The following GRM7 variants were observed in gnomAD, a reference collection of about 807,000 sequenced individuals.
GRM7 encodes the protein glutamate metabotropic receptor 7.
Under a neutral mutation model 84.5 loss-of-function variants are expected in GRM7, and 35 were observed. The ratio of observed to expected loss-of-function variants is 0.41; its 90% CI spans 0.32 to 0.55. The LOEUF (loss-of-function observed/expected upper bound fraction) is 0.55, where lower values mean the gene tolerates loss of function less well. Among genes scored for constraint, GRM7 ranks in the 20% least tolerant of loss-of-function variants. GRM7 has a pLI of 0.19. For missense variants in GRM7, 1,003 were observed against 1,194.6 expected, an observed-to-expected ratio of 0.84 and a Z score of 2.36; for synonymous variants, 487 against 455.1, an observed-to-expected ratio of 1.07 and a Z score of -0.89.
At chr3:7,419,850 T>C in intron 5 of GRM7, among the ~76,000 whole-genome samples, 1 of 151,996 alleles carries the variant, frequency 6.6e-6, no homozygotes, top group African/African-American at 2.4e-5. Context: ...ATTGGTGACA[T>C]ATATTTTTTG....
At chr3:7,308,349 A>G (rs1218647007) in intron 4 of GRM7, among the ~76,000 whole-genome samples, 1 of 117,052 alleles carries the variant, frequency 8.5e-6, no homozygotes, top group Non-Finnish European at 2.2e-5. Flanking sequence ...CTTCTATGGC[A>G]TCCCACACAT....
At chr3:7,602,154 G>A (rs992988488) in intron 8 of GRM7, among the ~76,000 whole-genome samples, 5 of 151,404 alleles carry the variant, frequency 3.3e-5, no homozygotes, top group Non-Finnish European at 7.4e-5. Flanking sequence ...GATAAGGGGA[G>A]AGCTTGTAAA....
Position 7,497,091 on chromosome 3 carries a change from G to T in GRM7, c.1515+35369G>T, listed in dbSNP as rs1248564312. ...ACCAGCCACTAGAGAAGGCCATCAG[G>T]TTATTTAGAACTTGTGGCCATGTCT... On this transcript the variant is annotated intron_variant, in intron 7 of 9. Coordinates refer to ENST00000357716, the MANE Select transcript of GRM7 (RefSeq NM_000844.4). Among the ~76,000 whole-genome samples the T allele has an allele frequency of 2.6e-5, 4 of 151,874 alleles. No individual in the cohort carries two copies. In the South Asian group the frequency reaches 6.3e-4, roughly 24 times the overall value.
chr3:7,219,160 T>C (rs2124869715), intron 2 of GRM7, among the ~76,000 whole-genome samples: 1 of 152,316 alleles, frequency 6.6e-6, no homozygotes, highest in African/African-American at 2.4e-5. Context: ...TTTGTTTTTT[T>C]CCCGACTGCT....
At chr3:7,665,495 G>A (rs1469534070) in intron 8 of GRM7, among the ~76,000 whole-genome samples, 3 of 152,138 alleles carry the variant, frequency 2.0e-5, no homozygotes, top group South Asian at 2.1e-4. Context: ...TTCTTAATAG[G>A]AAATATGAAT....
chr3:7,567,640 G>A (rs1694368910), intron 7 of GRM7, among the ~76,000 whole-genome samples: 1 of 151,190 alleles, frequency 6.6e-6, no homozygotes, highest in South Asian at 2.1e-4. Flanking sequence ...CCAGCTACTG[G>A]GGAAGGCTGA....
intron 1 of GRM7, among the ~76,000 whole-genome samples, chr3:6,997,119 T>C (rs532839775): frequency 6.6e-6 from 1 of 152,340 alleles, no homozygotes; most frequent in East Asian, 1.9e-4. Flanking sequence ...GCTGAATTAA[T>C]TGTTCCATAG....
At chr3:7,239,809 C>A (rs1220985728) in intron 2 of GRM7, among the ~76,000 whole-genome samples, 1 of 152,138 alleles carries the variant, frequency 6.6e-6, no homozygotes, top group East Asian at 1.9e-4. Context: ...CTTTCAGCAT[C>A]AGAGTTTTTT....
At chr3:7,523,911 G>T (rs1474743499) in intron 7 of GRM7, among the ~76,000 whole-genome samples, 1 of 152,082 alleles carries the variant, frequency 6.6e-6, no homozygotes, top group Non-Finnish European at 1.5e-5. Context: ...AGTATGGGTA[G>T]TCTCTCAACA....
intron 2 of GRM7, among the ~76,000 whole-genome samples, chr3:7,179,398 C>T (rs1000012819): frequency 2.0e-5 from 3 of 152,226 alleles, no homozygotes; most frequent in African/African-American, 7.2e-5. Context: ...AGGAGAACAA[C>T]AGCCGGGATT....
At chr3:7,405,066 A>T (rs886850844) in intron 4 of GRM7, among the ~76,000 whole-genome samples, 2 of 152,176 alleles carry the variant, frequency 1.3e-5, no homozygotes, top group African/African-American at 4.8e-5. Flanking sequence ...GCTAAAATCC[A>T]TGCAAAACAC....
chr3:7,299,911 G>A (rs1699938779), intron 3 of GRM7, among the ~76,000 whole-genome samples: 1 of 151,990 alleles, frequency 6.6e-6, no homozygotes, highest in African/African-American at 2.4e-5. Flanking sequence ...AATATAAATA[G>A]ACAAGTGTTA....
chr3:7,543,027 A>T (rs1284713138), intron 7 of GRM7, among the ~76,000 whole-genome samples: 1 of 152,176 alleles, frequency 6.6e-6, no homozygotes, highest in African/African-American at 2.4e-5. Context: ...TGCTTGTCAC[A>T]TAGTGCTTAT....
At chr3:7,183,058 A>G (rs572302940) in intron 2 of GRM7, among the ~76,000 whole-genome samples, 1 of 152,238 alleles carries the variant, frequency 6.6e-6, no homozygotes, top group South Asian at 2.1e-4. Flanking sequence ...AAAATGAATT[A>G]TGAACATTTC....
intron 1 of GRM7, among the ~76,000 whole-genome samples, chr3:7,098,871 A>G (rs1288625177): frequency 1.3e-5 from 2 of 151,944 alleles, no homozygotes; most frequent in Non-Finnish European, 2.9e-5. Flanking sequence ...TCTGTATTAG[A>G]TAAATAATTC....
rs1417515730 is a variant in GRM7, at chr3:7,229,751, ATATATATATTTTT to A, written c.737-68931_737-68919del. On this transcript the variant is annotated intron_variant, in intron 2 of 9. Coordinates refer to ENST00000357716, the MANE Select transcript of GRM7 (RefSeq NM_000844.4). ...CATATATATATATATATATATATATATATATATATTTTTTTTTTTTTTTGGTTGACAGGTGTTG... is the reference window on the plus strand; with the variant it reads ...CATATATATATATATATATATATATATTTTTTTTTTGGTTGACAGGTGTTG... Among the ~76,000 whole-genome samples, 22 of 28,634 alleles carry A rather than the reference ATATATATATTTTT, an allele frequency of 7.7e-4. 1 individual carries two copies. The South Asian group carries it at 0.015, about 19-fold the overall frequency. The allele number at this position is 28,634 out of a possible 152,430, so 18.8% of individuals were successfully genotyped here. A position where few individuals can be genotyped will look rare whatever the true frequency, so the allele number is the denominator to read the frequency against.
intron 2 of GRM7, among the ~76,000 whole-genome samples, chr3:7,246,019 AGAG>A (rs1251873158): frequency 3.9e-5 from 6 of 152,156 alleles, no homozygotes; most frequent in Non-Finnish European, 2.9e-5. Context: ...AAATAACTGA[AGAG>A]ATAGAATGCA....
chr3:7,588,530 C>G (rs1695625721), intron 8 of GRM7, among the ~76,000 whole-genome samples: 1 of 152,120 alleles, frequency 6.6e-6, no homozygotes, highest in Non-Finnish European at 1.5e-5. Flanking sequence ...TGTGGAATAT[C>G]CCAACTCAAC....
intron 1 of GRM7, among the ~76,000 whole-genome samples, chr3:7,103,035 T>C (rs1171489344): frequency 1.3e-5 from 2 of 151,844 alleles, no homozygotes; most frequent in Non-Finnish European, 2.9e-5. Context: ...AACAACTGGG[T>C]AATTTAGAAG....
Sources: gnomAD v4.1 joint callset for allele counts (sites outside exome capture counted in the v4.1 genomes callset) on GRCh38, gnomAD v4.1.1 for gene constraint, MANE v1.5 for transcripts, NCBI Gene and HGNC (gene_info 2026-07-23, HGNC 2026-07-21) for gene names.